PLAC8: variants seen among roughly 807,000 people sequenced by gnomAD.
PLAC8 encodes the protein placenta associated 8.
A neutral mutation model predicts 12.6 loss-of-function variants in PLAC8; 6 were observed. The ratio of observed to expected loss-of-function variants is 0.48; its 90% confidence interval spans 0.26 to 0.94. The LOEUF (loss-of-function observed/expected upper bound fraction) is 0.94. Ranked by LOEUF, PLAC8 falls within the 40% of genes least tolerant of loss-of-function variation. The probability of loss-of-function intolerance (pLI) is 0.14; values close to 1 mark genes in which losing one functional copy is unlikely to be tolerated. For missense variants in PLAC8, 122 were observed against 152.7 expected (o/e 0.80, Z 1.06); for synonymous variants, 54 against 52.6 (o/e 1.03, Z -0.11).
Position 83,104,938 on chromosome 4 carries a change from G to T in PLAC8, c.201C>A (p.Ser67Arg). The change falls in exon 3 of 5, where the codon AGC becomes AGA. Residue 67 changes from serine (S) to arginine (R), a missense_variant. Coordinates refer to ENST00000311507, the MANE Select transcript of PLAC8 (RefSeq NM_016619.3). ...TCCTGTAGAGAGTCCTCATTGCGAC[G>T]CTTGTTCCACACAGACAGCATTCAT... ...DMNECCLCGT[S>R]VAMRTLYRTR... 1 of 1,614,004 alleles carries T rather than the reference G, an allele frequency of 6.2e-7. No individual in the cohort carries two copies. Among genetic ancestry groups the T allele is most frequent in the Non-Finnish European group, 8.5e-7 (1 of 1,179,948 alleles).
At chr4:83,104,210 T>C (rs896091237) in intron 3 of PLAC8, among the ~76,000 whole-genome samples, 1 of 152,236 alleles carries the variant, frequency 6.6e-6, no homozygotes, top group African/African-American at 2.4e-5. Flanking sequence ...TATAGTGTAG[T>C]ATAAGCATAC....
At chr4:83,110,027 G>C (rs1005018021) in intron 1 of PLAC8, among the ~76,000 whole-genome samples, 2 of 152,214 alleles carry the variant, frequency 1.3e-5, no homozygotes, top group East Asian at 1.9e-4. Context: ...GGCGTGAACC[G>C]GGCAGCGGGC....
intron 3 of PLAC8, among the ~76,000 whole-genome samples, chr4:83,099,526 T>A (rs1227523720): frequency 6.6e-6 from 1 of 152,198 alleles, no homozygotes; most frequent in Non-Finnish European, 1.5e-5. Flanking sequence ...ACTGCACCCA[T>A]CCATATAAGA....
At chr4:83,110,851 T>C (rs1732409545) in intron 1 of PLAC8, among the ~76,000 whole-genome samples, 1 of 152,214 alleles carries the variant, frequency 6.6e-6, no homozygotes, top group Non-Finnish European at 1.5e-5. Flanking sequence ...CTAGAGAATA[T>C]GTATTCAAAT....
intron 3 of PLAC8, among the ~76,000 whole-genome samples, chr4:83,097,561 C>T (rs1387401650): frequency 6.6e-6 from 1 of 152,026 alleles, no homozygotes; most frequent in Non-Finnish European, 1.5e-5. Flanking sequence ...ATATATAAGG[C>T]CTGGGGACAT....
intron 4 of PLAC8, chr4:83,093,936 T>C (rs1353690167): frequency 3.3e-5 from 5 of 152,156 alleles, no homozygotes; most frequent in Non-Finnish European, 5.9e-5. Context: ...CTCCCAAGAG[T>C]TATTTTTATT....
chr4:83,109,897 G>C (rs1470619294), intron 1 of PLAC8: 1 of 152,280 alleles, frequency 6.6e-6, no homozygotes, highest in Non-Finnish European at 1.5e-5. Flanking sequence ...CTTAAGAGCA[G>C]CCCGCGCAGA....
chr4:83,093,746 C>T (rs563316224), intron 4 of PLAC8: 1 of 152,078 alleles, frequency 6.6e-6, no homozygotes, highest in Non-Finnish European at 1.5e-5. Flanking sequence ...CGTATAAATT[C>T]TATAATGACA....
intron 1 of PLAC8, among the ~76,000 whole-genome samples, chr4:83,112,113 G>T (rs972087969): frequency 6.6e-6 from 1 of 151,296 alleles, no homozygotes; most frequent in African/African-American, 2.4e-5. Context: ...GGTGGAGGTT[G>T]TGGTGAGCCA....
rs1393940845 is a variant in PLAC8, at chr4:83,104,934, C to T, written c.205G>A (p.Ala69Thr). Residue 69 changes from alanine (A) to threonine (T), a missense_variant, in exon 3 of 5, where the codon GCA becomes ACA. Ala to Thr is a moderately conservative substitution (Grantham distance 58). Coordinates refer to ENST00000311507, the MANE Select transcript of PLAC8 (RefSeq NM_016619.3). The part of the protein sequence containing the change: ...NECCLCGTSV[A>T]MRTLYRTRYG... ...CGGGTCCTGTAGAGAGTCCTCATTG[C>T]GACGCTTGTTCCACACAGACAGCAT... 9 of 1,613,884 alleles carry T rather than the reference C, an allele frequency of 5.6e-6. No individual in the cohort carries two copies. The highest frequency in any genetic ancestry group is 3.3e-5 in the South Asian group (3 of 91,070).
At chr4:83,108,129 G>GTATA (rs1732307781) in intron 1 of PLAC8, among the ~76,000 whole-genome samples, 179 bp from the exon 2 acceptor site, 1 of 150,832 alleles carries the variant, frequency 6.6e-6, no homozygotes, top group Middle Eastern at 3.5e-3. Flanking sequence ...AGAACTTAAA[G>GTATA]TATAATAAAA....
chr4:83,108,379 G>A (rs1439229885), intron 1 of PLAC8, among the ~76,000 whole-genome samples: 3 of 152,104 alleles, frequency 2.0e-5, no homozygotes. Context: ...GATCATTTGA[G>A]GTCAGGAATT....
chr4:83,105,079 G>A, intron 2 of PLAC8, 59 bp from the exon 3 acceptor site: 1 of 1,605,406 alleles, frequency 6.2e-7, no homozygotes. Flanking sequence ...ACAGCTGAAA[G>A]TTTAGCTTGC....
At chr4:83,111,812 A>T (rs1370325570) in intron 1 of PLAC8, among the ~76,000 whole-genome samples, 2 of 152,160 alleles carry the variant, frequency 1.3e-5, no homozygotes, top group Non-Finnish European at 2.9e-5. Context: ...AAATTGGCTA[A>T]TGTTAGACTT....
chr4:83,100,271 A>G (rs1578738577), intron 3 of PLAC8, among the ~76,000 whole-genome samples: 1 of 123,742 alleles, frequency 8.1e-6, no homozygotes, highest in Non-Finnish European at 1.6e-5. Flanking sequence ...ACAGAGCGAG[A>G]CTCCATCTCA....
chr4:83,108,340 C>T (rs1344850482), intron 1 of PLAC8, among the ~76,000 whole-genome samples: 5 of 152,166 alleles, frequency 3.3e-5, no homozygotes, highest in African/African-American at 1.2e-4. Flanking sequence ...GGTCTGTAAT[C>T]CCGGCACTTT....
At chr4:83,096,406 C>CAAA (rs11352744) in intron 3 of PLAC8, among the ~76,000 whole-genome samples, 5 of 151,636 alleles carry the variant, frequency 3.3e-5, no homozygotes, top group African/African-American at 1.2e-4. Flanking sequence ...TTGTGAATTA[C>CAAA]AAAAAAAAAA....
chr4:83,091,415 T>C (rs956353729), intron 4 of PLAC8, among the ~76,000 whole-genome samples: 1 of 152,312 alleles, frequency 6.6e-6, no homozygotes, highest in East Asian at 1.9e-4. Context: ...GTTTGTCTGA[T>C]GTTTTTCTCA....
chr4:83,106,016 T>C (rs1444593928), intron 2 of PLAC8, among the ~76,000 whole-genome samples: 1 of 151,892 alleles, frequency 6.6e-6, no homozygotes, highest in South Asian at 2.1e-4. Flanking sequence ...TTTTATTTAC[T>C]TATTTATTTA....
Sources: allele counts gnomAD v4.1 joint callset (sites outside exome capture counted in the v4.1 genomes callset), GRCh38; gene constraint gnomAD v4.1.1; transcripts MANE v1.5; gene names NCBI Gene and HGNC (gene_info 2026-07-23, HGNC 2026-07-21).